Variants in PPP2R2A observed in about 807,000 individuals in gnomAD.
PPP2R2A encodes the protein serine/threonine-protein phosphatase 2A 55 kDa regulatory subunit B alpha isoform.
Under a neutral mutation model 53.2 loss-of-function variants are expected in PPP2R2A, and 9 were observed. The observed-to-expected ratio is 0.17, with a 90% CI of 0.10 to 0.30. The LOEUF (loss-of-function observed/expected upper bound fraction) is 0.30, where lower values mean the gene tolerates loss of function less well. PPP2R2A is among the 10% of genes least tolerant of loss of function. PPP2R2A has a pLI of 1.00. For missense variants in PPP2R2A, 235 were observed against 534.6 expected, an observed-to-expected ratio of 0.44 and a Z score of 5.53; for synonymous variants, 169 against 174.2, an observed-to-expected ratio of 0.97 and a Z score of 0.23.
At position 26,344,524 on chromosome 8, in the gene PPP2R2A, A is replaced by G. The variant is rs556144400; in HGVS notation, c.180+5537A>G. On this transcript the variant is annotated intron_variant, in intron 3 of 9. Coordinates refer to ENST00000380737, the MANE Select transcript of PPP2R2A (RefSeq NM_002717.4). ...ACTTTTTAATATGAGCTATTGAGTG[A>G]TCTGTTTTCTGTCATAGGTGTTAGA... 3.9e-5 allele frequency among the ~76,000 whole-genome samples: 6 copies of G among 152,278 alleles called. No individual in the cohort carries two copies. In the South Asian group the frequency reaches 1.0e-3, roughly 26 times the overall value.
At chr8:26,307,337 C>A (rs756487065) in intron 2 of PPP2R2A, among the ~76,000 whole-genome samples, 7 of 152,216 alleles carry the variant, frequency 4.6e-5, no homozygotes, top group Non-Finnish European at 8.8e-5. Context: ...TCTTCTTTCT[C>A]CACTTGAATC....
At position 26,370,204 on chromosome 8, in the gene PPP2R2A, C is replaced by T; in HGVS notation, c.1135C>T (p.Leu379=). ...FDRNTKRDIT[L]EASRENNKPR... is the part of the protein sequence containing the mutation. ...CAGAAACACAAAGCGAGACATAACC[C>T]TAGAAGCATCGCGGGAAAACAATAA... is the stretch of plus-strand genomic sequence containing the variant. Residue 379 remains leucine (L), a synonymous_variant, in exon 10 of 10, where the codon CTA becomes TTA. Coordinates refer to ENST00000380737, the MANE Select transcript of PPP2R2A (RefSeq NM_002717.4). This position sits in a 1 kb window ranked among gnomAD's most constrained non-coding sequence, Gnocchi z 6.1. 1.2e-6 allele frequency: 2 copies of T among 1,614,086 alleles called. No homozygotes were observed.
intron 8 of PPP2R2A, among the ~76,000 whole-genome samples, chr8:26,364,432 C>CT (rs1017896508): frequency 6.6e-6 from 1 of 152,174 alleles, no homozygotes; most frequent in Admixed American, 6.5e-5. Context: ...TCTTGATTCT[C>CT]TTATCAGCCA....
chr8:26,330,836 G>A (rs1208132365), intron 2 of PPP2R2A, among the ~76,000 whole-genome samples: 7 of 152,118 alleles, frequency 4.6e-5, no homozygotes, highest in African/African-American at 1.4e-4. Context: ...GTTGGATTTT[G>A]TTCTAGCACA....
intron 2 of PPP2R2A, among the ~76,000 whole-genome samples, chr8:26,312,811 C>T (rs1802352061): frequency 6.6e-6 from 1 of 152,156 alleles, no homozygotes; most frequent in African/African-American, 2.4e-5. Flanking sequence ...ACCTGTTCAT[C>T]TCAGATCAGG....
chr8:26,369,313 G>A (rs1343561195), intron 9 of PPP2R2A, among the ~76,000 whole-genome samples: 2 of 150,626 alleles, frequency 1.3e-5, no homozygotes, highest in South Asian at 2.1e-4. Flanking sequence ...TGCAACCTCC[G>A]CCTCCCGGGT....
chr8:26,359,826 G>A (rs1456525364), intron 4 of PPP2R2A, among the ~76,000 whole-genome samples: 1 of 152,082 alleles, frequency 6.6e-6, no homozygotes, highest in Non-Finnish European at 1.5e-5. Context: ...ACATGTATAT[G>A]TTTACATGTA....
chr8:26,355,491 C>T (rs573763947), intron 4 of PPP2R2A, among the ~76,000 whole-genome samples: 3 of 152,102 alleles, frequency 2.0e-5, no homozygotes, highest in Admixed American at 6.5e-5. Flanking sequence ...CAGTCTGCCC[C>T]GCTCAGTCTC....
chr8:26,293,947 C>T (rs1448547969), intron 2 of PPP2R2A: 1 of 552,194 alleles, frequency 1.8e-6, no homozygotes, highest in Non-Finnish European at 3.2e-6. Context: ...ATTTTTTCCT[C>T]TGAATTTACA....
chr8:26,357,988 AT>A (rs1447981073), intron 4 of PPP2R2A, among the ~76,000 whole-genome samples: 3 of 152,108 alleles, frequency 2.0e-5, no homozygotes, highest in African/African-American at 7.2e-5. Flanking sequence ...AGGTAATAAA[AT>A]ATCACTGCTG....
chr8:26,357,403 T>C (rs1013888096), intron 4 of PPP2R2A, among the ~76,000 whole-genome samples: 1 of 151,946 alleles, frequency 6.6e-6, no homozygotes, highest in African/African-American at 2.4e-5. Context: ...AATATTTGCA[T>C]TGGCTTTCCA....
intron 2 of PPP2R2A, among the ~76,000 whole-genome samples, chr8:26,301,528 G>C (rs977355370): frequency 2.0e-5 from 3 of 151,930 alleles, no homozygotes; most frequent in African/African-American, 7.3e-5. Context: ...TGTAGAGACA[G>C]ATCTCACCAT....
intron 2 of PPP2R2A, among the ~76,000 whole-genome samples, chr8:26,303,764 C>G (rs1445185089): frequency 6.6e-6 from 1 of 152,056 alleles, no homozygotes; most frequent in Non-Finnish European, 1.5e-5. Context: ...AAAAAAACTC[C>G]GCTAATTTTT....
At chr8:26,353,223 T>G (rs1224728927) in intron 3 of PPP2R2A, among the ~76,000 whole-genome samples, 3 of 152,220 alleles carry the variant, frequency 2.0e-5, no homozygotes, top group Non-Finnish European at 4.4e-5. Context: ...GTCTGATTTT[T>G]ACCCCTTGTG....
chr8:26,343,979 G>A (rs1010472522), intron 3 of PPP2R2A, among the ~76,000 whole-genome samples: 1 of 152,088 alleles, frequency 6.6e-6, no homozygotes, highest in Non-Finnish European at 1.5e-5. Context: ...GTGTCCATGA[G>A]CCCTCAATTT....
intron 2 of PPP2R2A, among the ~76,000 whole-genome samples, chr8:26,304,535 T>C (rs1161154475): frequency 6.6e-6 from 1 of 152,224 alleles, no homozygotes; most frequent in East Asian, 1.9e-4. Flanking sequence ...TGCAGGCTCA[T>C]TGTAGGTCTG....
intron 2 of PPP2R2A, among the ~76,000 whole-genome samples, chr8:26,313,458 T>G (rs1219331004): frequency 6.6e-6 from 1 of 152,196 alleles, no homozygotes; most frequent in Non-Finnish European, 1.5e-5. Flanking sequence ...GCTTTCTTGG[T>G]GTTGTTACAC....
Position 26,320,013 on chromosome 8 carries a change from A to G in PPP2R2A, c.83-18877A>G, listed in dbSNP as rs574937585. ...ATTTTTGTGTGATTTTGTGTCCTGT[A>G]TCTTTGCCAAGGTAAGTGATTTTAT... On this transcript the variant is annotated intron_variant, in intron 2 of 9. Coordinates refer to ENST00000380737, the MANE Select transcript of PPP2R2A (RefSeq NM_002717.4). 8.5e-5 allele frequency among the ~76,000 whole-genome samples: 13 copies of G among 152,260 alleles called. No homozygotes were observed. The South Asian group carries it at 2.5e-3, about 29-fold the overall frequency.
Position 26,322,646 on chromosome 8 carries a change from G to A in PPP2R2A, c.83-16244G>A, listed in dbSNP as rs151322609. 9.2e-5 allele frequency among the ~76,000 whole-genome samples: 14 copies of A among 151,508 alleles called. No homozygotes were observed. In the South Asian group the frequency reaches 1.2e-3, roughly 14 times the overall value. On this transcript the variant is annotated intron_variant, in intron 2 of 9. Transcript: ENST00000380737. The stretch of plus-strand genomic sequence containing the variant: ...TGAGTAGTTAGCATCTCAGAAGCAT[G>A]ATAAGTCAACTTCAGCATTGTTTAA...
Sources: gnomAD v4.1 joint callset for allele counts (sites outside exome capture counted in the v4.1 genomes callset) on GRCh38, gnomAD v4.1.1 for gene constraint, Gnocchi (gnomAD v3.1) non-coding constraint, MANE v1.5 for transcripts, NCBI Gene and HGNC (gene_info 2026-07-23, HGNC 2026-07-21) for gene names.